RANBP9: variants seen among roughly 807,000 people sequenced by gnomAD.
RANBP9 encodes ran-binding protein 9.
Under a neutral mutation model 84.3 loss-of-function variants are expected in RANBP9, and 15 were observed. That is an observed-to-expected ratio of 0.18 (90% CI 0.12 to 0.27). The LOEUF (loss-of-function observed/expected upper bound fraction) is 0.27, where lower values mean the gene tolerates loss of function less well. Ranked by LOEUF, RANBP9 falls within the 10% of genes least tolerant of loss-of-function variation. RANBP9 has a pLI of 1.00. For synonymous variants in RANBP9, 392 were observed against 349.6 expected, an observed-to-expected ratio of 1.12 and a Z score of -1.35; for missense variants, 809 against 912.8, an observed-to-expected ratio of 0.89 and a Z score of 1.46.
rs139590981 is a variant in RANBP9, at chr6:13,650,789, C to G, written c.927+1870G>C. Among the ~76,000 whole-genome samples the G allele has an allele frequency of 3.3e-3, 508 of 152,100 alleles. 2 individuals are homozygous for G. Among genetic ancestry groups the G allele is most frequent in the African/African-American group, 0.012 (494 of 41,482 alleles). On this transcript the variant is annotated intron_variant, in intron 5 of 13. Coordinates refer to ENST00000011619, the MANE Select transcript of RANBP9 (RefSeq NM_005493.3). ...ATCAGCCTCGGCAACCTGGCGAAACCCCGTCTCTACCAAAAATACAAAAAA... is the reference window on the plus strand; with the variant it reads ...ATCAGCCTCGGCAACCTGGCGAAACGCCGTCTCTACCAAAAATACAAAAAA...
chr6:13,703,357 G>A (rs1758023046), intron 1 of RANBP9, among the ~76,000 whole-genome samples: 1 of 152,056 alleles, frequency 6.6e-6, no homozygotes, highest in Non-Finnish European at 1.5e-5. Context: ...CCACCTACAA[G>A]TGACTCCTAA....
chr6:13,678,521 C>T (rs1180407417), intron 2 of RANBP9, among the ~76,000 whole-genome samples: 3 of 152,200 alleles, frequency 2.0e-5, no homozygotes, highest in African/African-American at 4.8e-5. Flanking sequence ...CCTTATCTAA[C>T]GCTCACATAC....
In RANBP9 at chr6:13,693,672, A is replaced by T. The variant is rs1766377566; in HGVS notation, c.683+3113T>A. ...TTTCTGTCACTCAACAAGCACATGA[A>T]ACACAAGAACTATGTCTGTAAGGAA... On this transcript the variant is annotated intron_variant, in intron 2 of 13. Transcript: ENST00000011619. 2.0e-5 allele frequency among the ~76,000 whole-genome samples: 3 copies of T among 152,352 alleles called. No individual in the cohort carries two copies. The South Asian group carries it at 6.2e-4, about 32-fold the overall frequency.
At position 13,667,070 on chromosome 6, in the gene RANBP9, AT is replaced by A. The variant is rs563264972; in HGVS notation, c.684-8239del. On this transcript the variant is annotated intron_variant, in intron 2 of 13. Transcript: ENST00000011619. ...CAAAATTTATGTGAACAAGAAATTT[AT>A]TATTGTGGTACTATGTGTTTACCAA... Among the ~76,000 whole-genome samples, 36 of 152,316 alleles carry A rather than the reference AT, an allele frequency of 2.4e-4. No individual in the cohort carries two copies. The South Asian group carries it at 6.2e-3, about 26-fold the overall frequency.
rs191516525 is a variant in RANBP9 at position 13,663,246 on chromosome 6, C to T, written c.684-4414G>A. Among the ~76,000 whole-genome samples, 15 of 151,628 alleles carry T rather than the reference C, an allele frequency of 9.9e-5. No homozygotes were observed. The East Asian group carries it at 2.5e-3, about 26-fold the overall frequency. ...CACTGACTTATTAGAAAATATAAGGCCAGAAGACAGTGGAATGAAATCTTT... is the reference window on the plus strand; with the variant it reads ...CACTGACTTATTAGAAAATATAAGGTCAGAAGACAGTGGAATGAAATCTTT... On this transcript the variant is annotated intron_variant, in intron 2 of 13. Coordinates refer to ENST00000011619, the MANE Select transcript of RANBP9 (RefSeq NM_005493.3).
chr6:13,711,780 C>A lies in RANBP9; in HGVS notation c.-275G>T, dbSNP rs1488336430. 6.8e-6 allele frequency among the ~76,000 whole-genome samples: 1 copy of A among 146,790 alleles called. No homozygotes were observed. Among genetic ancestry groups the A allele is most frequent in the African/African-American group, 2.5e-5 (1 of 40,754 alleles). ...GCCGAGGGCGGGGGCGACGCGGGAG[C>A]GCGGGAGGGGAAGGCGCGCTGGCGG... On this transcript the variant is annotated 5_prime_UTR_variant, in exon 1 of 14. Transcript: ENST00000011619.
intron 13 of RANBP9, among the ~76,000 whole-genome samples, chr6:13,624,702 C>G (rs777508299): frequency 2.0e-5 from 3 of 152,184 alleles, no homozygotes; most frequent in African/African-American, 4.8e-5. Context: ...GGAATGGCAA[C>G]CAAACGAACA....
chr6:13,681,080 A>T (rs150070837), intron 2 of RANBP9, among the ~76,000 whole-genome samples: 1 of 152,372 alleles, frequency 6.6e-6, no homozygotes, highest in Admixed American at 6.5e-5. Context: ...AACAAAAAAG[A>T]GAATTTACAG....
In RANBP9 at chr6:13,657,205, G is replaced by A; in HGVS notation, c.808C>T (p.Pro270Ser). 1 of 1,613,250 alleles carries A rather than the reference G, an allele frequency of 6.2e-7. No individual in the cohort carries two copies. The highest frequency in any genetic ancestry group is 8.5e-7 in the Non-Finnish European group (1 of 1,179,434). ...HSFCSSGTGQ[P>S]YGPTFTTGDV... ...CCAGTAGTGAAAGTTGGTCCATAAGGTTGTCCAGTTCCAGAAGAACAAAAC... is the reference window on the plus strand; with the variant it reads ...CCAGTAGTGAAAGTTGGTCCATAAGATTGTCCAGTTCCAGAAGAACAAAAC... The change falls in exon 4 of 14, where the codon CCT (proline) becomes TCT (serine). Residue 270 changes from proline (P) to serine (S), a missense_variant. Around this residue, in one of 5 missense-constraint regions of RANBP9, gnomAD observed 216 missense variants for 329.0 expected, o/e 0.66. Transcript: ENST00000011619.
intron 1 of RANBP9, among the ~76,000 whole-genome samples, chr6:13,704,009 T>G (rs1393075846): frequency 6.6e-6 from 1 of 152,150 alleles, no homozygotes; most frequent in Non-Finnish European, 1.5e-5. Flanking sequence ...CCTAACAGAG[T>G]TGGAAACCCA....
At chr6:13,690,543 G>C (rs922522181) in intron 2 of RANBP9, among the ~76,000 whole-genome samples, 2 of 152,096 alleles carry the variant, frequency 1.3e-5, no homozygotes, top group Non-Finnish European at 2.9e-5. Context: ...GAAGAATTTA[G>C]GAACAGAACA....
At chr6:13,693,898 C>G (rs200731184) in intron 2 of RANBP9, among the ~76,000 whole-genome samples, 2 of 151,776 alleles carry the variant, frequency 1.3e-5, no homozygotes, top group African/African-American at 4.8e-5. Context: ...CAAAAATTAG[C>G]CAGGTGTGGT....
At chr6:13,680,701 AG>A (rs1766014621) in intron 2 of RANBP9, among the ~76,000 whole-genome samples, 2 of 151,818 alleles carry the variant, frequency 1.3e-5, no homozygotes, top group Non-Finnish European at 2.9e-5. Flanking sequence ...GGCTGCAGTG[AG>A]CCATGATTGT....
Position 13,704,331 on chromosome 6 carries a change from T to C in RANBP9, c.571+6604A>G, listed in dbSNP as rs994064759. On this transcript the variant is annotated intron_variant, in intron 1 of 13. Transcript: ENST00000011619. ...GATCTAAACTCAACAAAATATTCCA[T>C]AGGGCTCCTAACTGGGCCAGGTACA... Among the ~76,000 whole-genome samples, 3 of 152,290 alleles carry C rather than the reference T, an allele frequency of 2.0e-5. No homozygotes were observed. The East Asian group carries it at 5.8e-4, about 29-fold the overall frequency.
chr6:13,709,299 A>G (rs1758212570), intron 1 of RANBP9, among the ~76,000 whole-genome samples: 1 of 152,258 alleles, frequency 6.6e-6, no homozygotes, highest in African/African-American at 2.4e-5. Flanking sequence ...ACTCAGAGGA[A>G]GAAACTGAGG....
intron 5 of RANBP9, 22 bp downstream of exon 5, chr6:13,652,637 C>T (rs757535985): frequency 7.1e-6 from 11 of 1,558,526 alleles, no homozygotes. Flanking sequence ...AAATGGAAAA[C>T]TGCTTTTAAA....
At chr6:13,653,370 G>A (rs1025371876) in intron 4 of RANBP9, among the ~76,000 whole-genome samples, 2 of 152,108 alleles carry the variant, frequency 1.3e-5, no homozygotes, top group Non-Finnish European at 2.9e-5. Context: ...TCAACTCAAC[G>A]TGACAATTTA....
intron 2 of RANBP9, among the ~76,000 whole-genome samples, chr6:13,669,601 T>C (rs1030224294): frequency 1.3e-5 from 2 of 152,202 alleles, no homozygotes; most frequent in Non-Finnish European, 2.9e-5. Context: ...GTTATTGTTG[T>C]TGTTTTGCGA....
intron 1 of RANBP9, among the ~76,000 whole-genome samples, chr6:13,706,478 A>C (rs933009742): frequency 6.8e-6 from 1 of 147,748 alleles, no homozygotes; most frequent in African/African-American, 2.5e-5. Flanking sequence ...GCAGATCACG[A>C]GGTCAAGAGA....
Sources: allele counts gnomAD v4.1 joint callset (sites outside exome capture counted in the v4.1 genomes callset), GRCh38; gene constraint gnomAD v4.1.1; regional missense constraint gnomAD v4.1.1; transcripts MANE v1.5; gene names NCBI Gene and HGNC (gene_info 2026-07-23, HGNC 2026-07-21).